The following SLC5A11 variants were observed in gnomAD, a reference collection of about 807,000 sequenced individuals.
The protein encoded by SLC5A11 is solute carrier family 5 member 11.
In SLC5A11, 48 loss-of-function variants were observed where a neutral mutation model predicts 69.8. The observed-to-expected ratio is 0.69, with a 90% CI of 0.55 to 0.87. SLC5A11 has a LOEUF of 0.87. SLC5A11 is among the 40% of genes least tolerant of loss of function. SLC5A11 has a pLI of 0.00. For missense variants in SLC5A11, 784 were observed against 866.1 expected (o/e 0.91, Z 1.19); for synonymous variants, 319 against 342.4 (o/e 0.93, Z 0.75).
At chr16:24,866,769 T>C (rs905645330) in intron 3 of SLC5A11, among the ~76,000 whole-genome samples, 7 of 151,974 alleles carry the variant, frequency 4.6e-5, no homozygotes. Context: ...AAGATAAACA[T>C]TGTCACTAGA....
At position 24,884,181 on chromosome 16, in the gene SLC5A11, G is replaced by C. The variant is rs771312783; in HGVS notation, c.664+50G>C. On this transcript the variant is annotated intron_variant, in intron 8 of 15. Coordinates refer to ENST00000347898, the Ensembl canonical transcript of SLC5A11. ...GGGCGGACAACAGCACCTCTCTCCA[G>C]CAGGGATATCTGCTCTCCACACTGT... 1.4e-5 allele frequency: 22 copies of C among 1,561,826 alleles called. No individual in the cohort carries two copies. In the South Asian group the frequency reaches 2.1e-4, roughly 15 times the overall value.
chr16:24,877,813 A>G (rs569445685), intron 7 of SLC5A11, among the ~76,000 whole-genome samples: 1 of 152,284 alleles, frequency 6.6e-6, no homozygotes, highest in African/African-American at 2.4e-5. Flanking sequence ...GCAAAACCCC[A>G]TCTCTACTAA....
intron 7 of SLC5A11, 89 bp from the exon 9 acceptor site, chr16:24,883,962 G>C: frequency 8.3e-7 from 1 of 1,200,182 alleles, no homozygotes; most frequent in Non-Finnish European, 1.2e-6. Flanking sequence ...TCTCCCATCG[G>C]GTCCTGGCCT....
chr16:24,878,067 C>T (rs757808708), intron 7 of SLC5A11, among the ~76,000 whole-genome samples: 4 of 152,144 alleles, frequency 2.6e-5, no homozygotes, highest in Admixed American at 6.5e-5. Flanking sequence ...GCAGGAGAAT[C>T]GCTTGAACCC....
rs146970712 is a variant in SLC5A11, at chr16:24,885,879, T to C, written c.664+1748T>C. Among the ~76,000 whole-genome samples, 1,006 of 151,760 alleles carry C rather than the reference T, an allele frequency of 6.6e-3. 4 individuals carry two copies. Among genetic ancestry groups the C allele is most frequent in the Non-Finnish European group, 9.8e-3 (668 of 67,960 alleles). On this transcript the variant is annotated intron_variant, in intron 8 of 15. Coordinates refer to ENST00000347898, the Ensembl canonical transcript of SLC5A11. ...AGGACAAACTGAGGTGAAGGGAGAA[T>C]AGAAGCGGATAAAAAGGAAAAAGAT... is the stretch of plus-strand genomic sequence containing the variant.
intron 15 of SLC5A11, among the ~76,000 whole-genome samples, chr16:24,910,801 A>C (rs2050459624): frequency 6.6e-6 from 1 of 152,160 alleles, no homozygotes; most frequent in South Asian, 2.1e-4. Context: ...AGTGCTTCTA[A>C]ACTGGCGGCT....
chr16:24,856,247 A>G (rs2059522023), intron 1 of SLC5A11, among the ~76,000 whole-genome samples: 1 of 151,970 alleles, frequency 6.6e-6, no homozygotes, highest in Non-Finnish European at 1.5e-5. Context: ...CCCACCAGAC[A>G]TTCATGTGGG....
rs1470506233 is a variant in SLC5A11 at position 24,891,087 on chromosome 16, G to A, written c.870+13G>A. On this transcript the variant is annotated intron_variant, in intron 9 of 15. Transcript: ENST00000347898. Reference sequence around the variant, plus strand: ...GTGCACGGATCAGGTACAGGACAGTGGCCTGAGCAAGTTTTTCCTTCTCTT... The same window carrying A: ...GTGCACGGATCAGGTACAGGACAGTAGCCTGAGCAAGTTTTTCCTTCTCTT... 23 of 1,606,236 alleles carry A rather than the reference G, an allele frequency of 1.4e-5. No individual in the cohort carries two copies. The highest frequency in any genetic ancestry group is 1.9e-5 in the Non-Finnish European group (22 of 1,173,954).
intron 7 of SLC5A11, 76 bp downstream of exon 8, chr16:24,877,439 C>T: frequency 9.2e-7 from 1 of 1,084,578 alleles, no homozygotes; most frequent in South Asian, 1.4e-5. Flanking sequence ...TCTCCTTGCC[C>T]ATCTTCTGAT....
chr16:24,849,595 T>C (rs201679847), intron 1 of SLC5A11, among the ~76,000 whole-genome samples: 1 of 56,880 alleles, frequency 1.8e-5, no homozygotes, highest in Admixed American at 1.7e-4. Context: ...AAAAAAAAAA[T>C]ATATATATAT....
chr16:24,911,295 C>G (rs778204926), intron 15 of SLC5A11, 33 bp from the exon 17 acceptor site: 33 of 1,609,026 alleles, frequency 2.1e-5, no homozygotes, highest in Non-Finnish European at 2.7e-5. Context: ...TACAGACCAC[C>G]TCTACGGTCT....
chr16:24,891,290 GA>G (rs113680682), intron 9 of SLC5A11, among the ~76,000 whole-genome samples: 2,534 of 149,256 alleles, frequency 0.017, 92 homozygotes, highest in African/African-American at 0.059. Flanking sequence ...TTGCAAAGGG[GA>G]AAACTCAACA....
At chr16:24,905,561 G>C (rs1253200800) in intron 10 of SLC5A11, among the ~76,000 whole-genome samples, 4 of 151,850 alleles carry the variant, frequency 2.6e-5, no homozygotes, top group African/African-American at 9.7e-5. Context: ...GGCTAGGGTT[G>C]CAGTGAGCCA....
chr16:24,868,590 C>G (rs2047069362), intron 3 of SLC5A11, among the ~76,000 whole-genome samples: 1 of 105,260 alleles, frequency 9.5e-6, no homozygotes, highest in Admixed American at 1.1e-4. Context: ...CAGCAAGACT[C>G]CGCCTCAAAA....
chr16:24,855,905 A>G (rs1743814072), intron 1 of SLC5A11, among the ~76,000 whole-genome samples: 1 of 152,190 alleles, frequency 6.6e-6, no homozygotes, highest in Non-Finnish European at 1.5e-5. Context: ...TTGTAACAGT[A>G]GGAATGGACT....
chr16:24,883,494 G>A (rs1048063102), intron 7 of SLC5A11, among the ~76,000 whole-genome samples: 5 of 152,232 alleles, frequency 3.3e-5, no homozygotes, highest in Admixed American at 6.5e-5. Flanking sequence ...TGAGGGGCTT[G>A]AAAAATCAAT....
At chr16:24,895,684 A>T (rs931412671) in intron 9 of SLC5A11, among the ~76,000 whole-genome samples, 1 of 151,996 alleles carries the variant, frequency 6.6e-6, no homozygotes, top group Non-Finnish European at 1.5e-5. Flanking sequence ...TGACCGGCTG[A>T]ATGTGCTGTG....
rs762974709 is a variant in SLC5A11 at position 24,890,965 on chromosome 16, G to A, written c.761G>A (p.Arg254Gln). 1.7e-5 allele frequency: 28 copies of A among 1,613,996 alleles called. 1 individual carries two copies. The South Asian group carries it at 2.3e-4, about 13-fold the overall frequency. ...GAGAACAGCAGCTGCGGGCTGCCCC[G>A]GGAAGATGCCTTCCATATTTTCCGA... The change falls in exon 9 of 16, where the codon CGG (arginine) becomes CAG (glutamine). Residue 254 changes from arginine (R) to glutamine (Q), a missense_variant. By Grantham distance (43) the Arg-to-Gln change is conservative (BLOSUM62 1). Transcript: ENST00000347898.
chr16:24,869,950 G>A, exon 4 of SLC5A11: 2 of 1,614,170 alleles, frequency 1.2e-6, no homozygotes, highest in Non-Finnish European at 1.7e-6. Context: ...CATTTCATTG[G>A]CCTGGCAGGG....
Sources: allele counts gnomAD v4.1 joint callset (sites outside exome capture counted in the v4.1 genomes callset), GRCh38; gene constraint gnomAD v4.1.1; transcripts MANE v1.5; gene names NCBI Gene and HGNC (gene_info 2026-07-23, HGNC 2026-07-21).